Variants in PCDH15 observed in about 807,000 individuals in gnomAD.
PCDH15 encodes the protein protocadherin-15.
In PCDH15, 129 loss-of-function variants were observed where a neutral mutation model predicts 178.5. That is an observed-to-expected ratio of 0.72 (90% confidence interval 0.63 to 0.84). PCDH15 has a LOEUF of 0.84. Ranked by LOEUF, PCDH15 falls within the 40% of genes least tolerant of loss-of-function variation. The pLI, the probability that PCDH15 is intolerant of heterozygous loss-of-function variation, is 0.00. For synonymous variants in PCDH15, 800 were observed against 732.0 expected (o/e 1.09, Z -1.50); for missense variants, 2,230 against 2,099.9 (o/e 1.06, Z -1.21).
intron 2 of PCDH15, among the ~76,000 whole-genome samples, chr10:54,543,962 A>G (rs10825349): frequency 0.31 from 46,558 of 151,820 alleles, 7,779 homozygotes; most frequent in Middle Eastern, 0.43. Context: ...TTCTTCAGAC[A>G]TACCGAAGAA....
At chr10:55,570,513 T>G (rs148939202) in intron 2 of PCDH15, among the ~76,000 whole-genome samples, 2,601 of 152,088 alleles carry the variant, frequency 0.017, 74 homozygotes, top group African/African-American at 0.059. Context: ...GGAACCAATT[T>G]TTTTTCTTTG....
chr10:53,927,731 T>A, intron 25 of PCDH15, among the ~76,000 whole-genome samples: 1 of 152,172 alleles, frequency 6.6e-6, no homozygotes, highest in East Asian at 1.9e-4. Flanking sequence ...TTATCTATAC[T>A]ATTCTCTTCT....
At position 54,500,844 on chromosome 10, in the gene PCDH15, C is replaced by T. The variant is rs150166863; in HGVS notation, c.157+26968G>A. On this transcript the variant is annotated intron_variant, in intron 3 of 37. Coordinates refer to ENST00000644397, the MANE Select transcript of PCDH15 (RefSeq NM_001384140.1). The stretch of plus-strand genomic sequence containing the variant: ...ATCTCACTTGGAACCAACTCAAATG[C>T]CCATCAATGATAGACTGGATAAAGA... Among the ~76,000 whole-genome samples, 695 of 152,000 alleles carry T rather than the reference C, an allele frequency of 4.6e-3. 8 individuals are homozygous for T. Among genetic ancestry groups the T allele is most frequent in the African/African-American group, 0.016 (662 of 41,474 alleles).
chr10:54,331,258 CCTTT>C (rs1012946950), intron 6 of PCDH15, among the ~76,000 whole-genome samples: 5 of 151,480 alleles, frequency 3.3e-5, no homozygotes, highest in East Asian at 1.9e-4. Flanking sequence ...TGATCTGTCT[CCTTT>C]CTTTCTTTCT....
At chr10:55,249,559 A>C (rs1206592399) in intron 1 of PCDH15, among the ~76,000 whole-genome samples, 2 of 152,192 alleles carry the variant, frequency 1.3e-5, no homozygotes, top group African/African-American at 2.4e-5. Flanking sequence ...AAAAGGGAAA[A>C]TAAAAGTAAT....
intron 3 of PCDH15, among the ~76,000 whole-genome samples, chr10:54,832,562 C>G (rs1222560393): frequency 6.6e-6 from 1 of 152,242 alleles, no homozygotes; most frequent in African/African-American, 2.4e-5. Flanking sequence ...ATCTAACATG[C>G]TATTTAGTCC....
chr10:54,139,485 G>T (rs1030683478), intron 14 of PCDH15, among the ~76,000 whole-genome samples: 2 of 152,038 alleles, frequency 1.3e-5, no homozygotes, highest in Admixed American at 6.6e-5. Flanking sequence ...GGTGCTCATT[G>T]GGTGTCTGGG....
At chr10:55,084,811 A>G (rs1733749) in intron 2 of PCDH15, among the ~76,000 whole-genome samples, 68,742 of 151,920 alleles carry the variant, frequency 0.45, 19,277 homozygotes, top group African/African-American at 0.79. Flanking sequence ...ATGGCAAACA[A>G]GCTTATGAAA....
At chr10:53,934,344 C>T (rs2085366697) in intron 25 of PCDH15, among the ~76,000 whole-genome samples, 1 of 152,108 alleles carries the variant, frequency 6.6e-6, no homozygotes, top group African/African-American at 2.4e-5. Flanking sequence ...GACCACAAGA[C>T]TGTGCAAGCT....
At chr10:55,419,175 T>C (rs1838557360) in intron 2 of PCDH15, among the ~76,000 whole-genome samples, 1 of 151,488 alleles carries the variant, frequency 6.6e-6, no homozygotes, top group Non-Finnish European at 1.5e-5. Context: ...ATGGCTAAGG[T>C]AGAAAGCGAA....
chr10:53,836,038 G>T (rs1440115160), intron 29 of PCDH15, among the ~76,000 whole-genome samples: 1 of 152,126 alleles, frequency 6.6e-6, no homozygotes, highest in Non-Finnish European at 1.5e-5. Context: ...GGAGGAGGAA[G>T]TGTGCCCATC....
intron 8 of PCDH15, among the ~76,000 whole-genome samples, chr10:54,238,802 G>A (rs1390200880): frequency 6.6e-6 from 1 of 151,722 alleles, no homozygotes; most frequent in Non-Finnish European, 1.5e-5. Context: ...AAATATGTAT[G>A]TTTGAGCACA....
chr10:55,181,264 C>T (rs1282253087), intron 1 of PCDH15, among the ~76,000 whole-genome samples: 1 of 151,770 alleles, frequency 6.6e-6, no homozygotes, highest in Non-Finnish European at 1.5e-5. Context: ...ATTGTTTTGC[C>T]TTTTTTAAGT....
intron 3 of PCDH15, among the ~76,000 whole-genome samples, chr10:54,448,680 G>C (rs1316381136): frequency 1.3e-5 from 2 of 151,586 alleles, no homozygotes; most frequent in Non-Finnish European, 3.0e-5. Context: ...CAACAATATT[G>C]TCTCTGCATG....
At chr10:55,184,680 A>C (rs1234359029) in intron 1 of PCDH15, among the ~76,000 whole-genome samples, 2 of 151,962 alleles carry the variant, frequency 1.3e-5, no homozygotes, top group African/African-American at 4.8e-5. Flanking sequence ...GATTTAACAC[A>C]TACAGCTGTA....
At chr10:54,324,315 TAAAG>T (rs1270007004) in intron 7 of PCDH15, among the ~76,000 whole-genome samples, 2 of 152,134 alleles carry the variant, frequency 1.3e-5, no homozygotes, top group South Asian at 4.1e-4. Context: ...ATTGAGCTAA[TAAAG>T]AAATAGTAAT....
intron 20 of PCDH15, among the ~76,000 whole-genome samples, chr10:54,001,350 TA>T (rs796650127): frequency 2.8e-4 from 42 of 152,126 alleles, no homozygotes; most frequent in African/African-American, 1.0e-3. Flanking sequence ...AAGACTAAAT[TA>T]TGAAACAAAA....
At chr10:53,853,730 A>T (rs186379748) in intron 28 of PCDH15, among the ~76,000 whole-genome samples, 1 of 152,118 alleles carries the variant, frequency 6.6e-6, no homozygotes, top group East Asian at 1.9e-4. Context: ...CATCTCACAC[A>T]TTAGTATGGC....
At chr10:54,128,074 G>A (rs574158010) in intron 15 of PCDH15, among the ~76,000 whole-genome samples, 2 of 152,240 alleles carry the variant, frequency 1.3e-5, no homozygotes, top group East Asian at 3.9e-4. Flanking sequence ...AAAGAAAAAT[G>A]TATTCGTTAG....
Sources: gnomAD v4.1 joint callset for allele counts (sites outside exome capture counted in the v4.1 genomes callset) on GRCh38, gnomAD v4.1.1 for gene constraint, MANE v1.5 for transcripts, NCBI Gene and HGNC (gene_info 2026-07-23, HGNC 2026-07-21) for gene names.